Variants in RAB31 observed in about 807,000 individuals in gnomAD.
RAB31 encodes the protein ras-related protein Rab-31.
A neutral mutation model predicts 25.6 loss-of-function variants in RAB31; 21 were observed. The ratio of observed to expected loss-of-function variants is 0.82; its 90% confidence interval spans 0.58 to 1.18. RAB31 has a LOEUF of 1.18. RAB31 is among the 50% of genes most tolerant of loss of function. The pLI is 0.00. For missense variants in RAB31, 196 were observed against 250.1 expected (o/e 0.78, Z 1.46); for synonymous variants, 87 against 84.0 (o/e 1.04, Z -0.20).
At chr18:9,838,378 T>C (rs2068715560) in intron 5 of RAB31, among the ~76,000 whole-genome samples, 1 of 152,188 alleles carries the variant, frequency 6.6e-6, no homozygotes, top group Non-Finnish European at 1.5e-5. Flanking sequence ...TCAGGCAGAC[T>C]GGTGTGGAGG....
chr18:9,773,773 C>T (rs948471662), intron 1 of RAB31, among the ~76,000 whole-genome samples: 27 of 152,178 alleles, frequency 1.8e-4, no homozygotes, highest in Admixed American at 1.6e-3. Flanking sequence ...ATCTTCCTGC[C>T]TCAGCCTCCC....
intron 1 of RAB31, among the ~76,000 whole-genome samples, chr18:9,769,897 G>A (rs542614948): frequency 7.2e-5 from 11 of 152,262 alleles, no homozygotes; most frequent in East Asian, 3.9e-4. Context: ...GCATGAAGTC[G>A]TGTTGAATTT....
intron 1 of RAB31, among the ~76,000 whole-genome samples, chr18:9,724,785 G>A (rs949199653): frequency 2.0e-5 from 3 of 152,184 alleles, no homozygotes; most frequent in African/African-American, 7.2e-5. Context: ...TCCTAAGCAC[G>A]TAGACTTGTA....
chr18:9,744,129 G>T (rs1212206489), intron 1 of RAB31, among the ~76,000 whole-genome samples: 2 of 152,204 alleles, frequency 1.3e-5, no homozygotes, highest in East Asian at 3.8e-4. Context: ...GTCATAGTAG[G>T]AGGAAATTTG....
intron 1 of RAB31, among the ~76,000 whole-genome samples, chr18:9,757,801 C>T (rs911375958): frequency 1.3e-5 from 2 of 152,208 alleles, no homozygotes; most frequent in African/African-American, 4.8e-5. Context: ...GGCGAGAGGC[C>T]CTCTTTGAGG....
At chr18:9,716,890 G>A (rs532278654) in intron 1 of RAB31, among the ~76,000 whole-genome samples, 1 of 129,888 alleles carries the variant, frequency 7.7e-6, no homozygotes, top group Non-Finnish European at 1.7e-5. Context: ...GACTACAGGC[G>A]TGCCACCACA....
chr18:9,817,486 C>T (rs1053985491), intron 5 of RAB31, among the ~76,000 whole-genome samples: 6 of 152,132 alleles, frequency 3.9e-5, no homozygotes, highest in African/African-American at 1.4e-4. Flanking sequence ...AGATACTGGC[C>T]TGGCATTCTC....
intron 6 of RAB31, among the ~76,000 whole-genome samples, chr18:9,847,562 T>C (rs1048762693): frequency 3.9e-5 from 6 of 152,188 alleles, no homozygotes; most frequent in Non-Finnish European, 7.3e-5. Flanking sequence ...GAGTAGGAAG[T>C]ACTGTACTAA....
rs1599005079 is a variant in RAB31 at position 9,708,434 on chromosome 18, G to A, written c.29G>A (p.Cys10Tyr). 6.4e-7 allele frequency: 1 copy of A among 1,570,326 alleles called. No homozygotes were observed. The highest frequency in any genetic ancestry group is 8.6e-7 in the Non-Finnish European group (1 of 1,159,846). MMAIRELKV[C>Y]LLGDTGVGKS... ...ATGGCGATACGGGAGCTCAAAGTGT[G>A]CCTTCTCGGGGTGAGTCCTGGCCGC... The change falls in exon 1 of 7, where the codon TGC (cysteine) becomes TAC (tyrosine). Residue 10 changes from cysteine to tyrosine, a missense_variant. By Grantham distance (194) the Cys-to-Tyr change is radical. Coordinates refer to ENST00000578921, the MANE Select transcript of RAB31 (RefSeq NM_006868.4). This position sits in a 1 kb window ranked among gnomAD's most constrained non-coding sequence, Gnocchi z 6.4.
chr18:9,770,098 T>A (rs1051258389), intron 1 of RAB31, among the ~76,000 whole-genome samples: 1 of 152,216 alleles, frequency 6.6e-6, no homozygotes, highest in African/African-American at 2.4e-5. Context: ...TGCCAGTATT[T>A]TATTGAGGAT....
chr18:9,772,824 C>T (rs1469478448), intron 1 of RAB31, among the ~76,000 whole-genome samples: 4 of 151,986 alleles, frequency 2.6e-5, no homozygotes, highest in African/African-American at 9.7e-5. Context: ...CCTCAGTGTC[C>T]AGTTTCTTGG....
At chr18:9,759,108 G>A (rs1248104678) in intron 1 of RAB31, among the ~76,000 whole-genome samples, 1 of 152,146 alleles carries the variant, frequency 6.6e-6, no homozygotes, top group Non-Finnish European at 1.5e-5. Context: ...TCAGACATGA[G>A]GAAGGTGGCC....
At chr18:9,797,374 TCTC>T (rs2068491844) in intron 3 of RAB31, 1 of 152,330 alleles carries the variant, frequency 6.6e-6, no homozygotes, top group Non-Finnish European at 1.5e-5. Context: ...TGCTTCTGCT[TCTC>T]CTGCTGGCGG....
intron 1 of RAB31, among the ~76,000 whole-genome samples, chr18:9,727,814 T>A (rs2068102750): frequency 2.0e-5 from 3 of 152,224 alleles, no homozygotes; most frequent in South Asian, 2.1e-4. Flanking sequence ...AAAAATTGAA[T>A]GTCCACTTTT....
At chr18:9,814,853 A>G (rs73385100) in intron 4 of RAB31, 182 of 287,358 alleles carry the variant, frequency 6.3e-4, no homozygotes, top group African/African-American at 3.9e-3. Context: ...ATCATTTTAA[A>G]TTAATGTTAT....
chr18:9,807,079 C>T (rs779267809), intron 3 of RAB31, among the ~76,000 whole-genome samples: 6 of 152,166 alleles, frequency 3.9e-5, no homozygotes, highest in Non-Finnish European at 8.8e-5. Context: ...TTTGCTCGGA[C>T]AGGAGGGAGG....
At chr18:9,779,138 G>A (rs1332970787) in intron 2 of RAB31, among the ~76,000 whole-genome samples, 1 of 152,072 alleles carries the variant, frequency 6.6e-6, no homozygotes, top group Non-Finnish European at 1.5e-5. Flanking sequence ...CCATGTTCAA[G>A]GGTCAACGGT....
intron 1 of RAB31, among the ~76,000 whole-genome samples, chr18:9,774,560 T>C (rs2068362297): frequency 6.6e-6 from 1 of 152,212 alleles, no homozygotes; most frequent in South Asian, 2.1e-4. Flanking sequence ...TTGATATCAC[T>C]TGTCTGGTGT....
chr18:9,722,685 T>A (rs1362664280), intron 1 of RAB31: 2 of 152,152 alleles, frequency 1.3e-5, no homozygotes, highest in African/African-American at 4.8e-5. Flanking sequence ...CTTATGAAAG[T>A]ATGTGGAGTC....
Sources: allele counts gnomAD v4.1 joint callset (sites outside exome capture counted in the v4.1 genomes callset), GRCh38; gene constraint gnomAD v4.1.1; non-coding constraint Gnocchi (gnomAD v3.1); transcripts MANE v1.5; gene names NCBI Gene and HGNC (gene_info 2026-07-23, HGNC 2026-07-21).